WWC1: variants seen among roughly 807,000 people sequenced by gnomAD.
The protein encoded by WWC1 is protein KIBRA.
Under a neutral mutation model 138.4 loss-of-function variants are expected in WWC1, and 55 were observed. That is an observed-to-expected ratio of 0.40 (90% CI 0.32 to 0.50). The LOEUF (loss-of-function observed/expected upper bound fraction) is 0.50. WWC1 is among the 20% of genes least tolerant of loss of function. The probability of loss-of-function intolerance (pLI) is 0.72; values close to 1 mark genes in which losing one functional copy is unlikely to be tolerated. For missense variants in WWC1, 1,226 were observed against 1,420.4 expected (o/e 0.86, Z 2.20); for synonymous variants, 524 against 564.9 (o/e 0.93, Z 1.03).
At chr5:168,346,276 T>C (rs1051263722) in intron 1 of WWC1, among the ~76,000 whole-genome samples, 9 of 152,154 alleles carry the variant, frequency 5.9e-5, no homozygotes, top group Admixed American at 5.2e-4. Flanking sequence ...AGATACAAGA[T>C]ACTTAGGAAA....
At chr5:168,455,596 A>G in intron 19 of WWC1, 76 bp downstream of exon 19, 2 of 1,552,454 alleles carry the variant, frequency 1.3e-6, no homozygotes, top group South Asian at 1.2e-5. Flanking sequence ...TGCAAATCCC[A>G]TTACTCTCAT....
At chr5:168,332,883 A>AT (rs1343179809) in intron 1 of WWC1, among the ~76,000 whole-genome samples, 2 of 151,816 alleles carry the variant, frequency 1.3e-5, no homozygotes, top group African/African-American at 2.4e-5. Flanking sequence ...TAATTTTTGT[A>AT]TTTTTTGTAG....
intron 1 of WWC1, among the ~76,000 whole-genome samples, chr5:168,302,624 A>G (rs1405219440): frequency 6.6e-6 from 1 of 152,148 alleles, no homozygotes; most frequent in East Asian, 1.9e-4. Context: ...GGTGATACAC[A>G]ATAGAGTCTC....
intron 1 of WWC1, among the ~76,000 whole-genome samples, chr5:168,299,305 T>A (rs1403062573): frequency 2.6e-5 from 4 of 152,142 alleles, no homozygotes; most frequent in Admixed American, 6.5e-5. Context: ...CTGATGTGGA[T>A]CTCAGGGAGA....
chr5:168,387,857 G>A (rs555920365), intron 3 of WWC1, among the ~76,000 whole-genome samples: 4 of 152,316 alleles, frequency 2.6e-5, no homozygotes, highest in African/African-American at 9.6e-5. Flanking sequence ...GGTCCTGGAA[G>A]GGAGATGTTA....
chr5:168,354,695 T>C (rs1435991081), intron 1 of WWC1, among the ~76,000 whole-genome samples: 1 of 152,150 alleles, frequency 6.6e-6, no homozygotes, highest in East Asian at 1.9e-4. Context: ...TTCTCCTTTG[T>C]GGACCTGCCT....
rs558435333 is a variant in WWC1 at position 168,306,195 on chromosome 5, G to A, written c.119+13924G>A. On this transcript the variant is annotated intron_variant, in intron 1 of 22. Coordinates refer to ENST00000265293, the MANE Select transcript of WWC1 (RefSeq NM_015238.3). ...GGCAGATATGTGAGGTCAGGAGTTC[G>A]AGACCAGCCTGGCCAACATGGTGAG... Among the ~76,000 whole-genome samples the A allele has an allele frequency of 1.2e-4, 19 of 152,180 alleles. No homozygotes were observed. In the East Asian group the frequency reaches 3.1e-3, roughly 25 times the overall value.
chr5:168,359,033 G>GGGGTGTGTGT (rs1491404850), intron 1 of WWC1, among the ~76,000 whole-genome samples: 3 of 148,204 alleles, frequency 2.0e-5, no homozygotes, highest in African/African-American at 7.6e-5. Flanking sequence ...GTGGTGGTGG[G>GGGGTGTGTGT]GTGTGTGTGT....
chr5:168,446,126 C>T (rs1037352247), intron 17 of WWC1, among the ~76,000 whole-genome samples: 3 of 149,924 alleles, frequency 2.0e-5, no homozygotes, highest in Non-Finnish European at 4.4e-5. Flanking sequence ...GCCAAGTCTG[C>T]TTCAAAAGGT....
At chr5:168,427,525 A>G (rs973919657) in intron 11 of WWC1, among the ~76,000 whole-genome samples, 4 of 141,478 alleles carry the variant, frequency 2.8e-5, no homozygotes, top group Non-Finnish European at 4.6e-5. Context: ...TCCTTCCATC[A>G]CCCTAAAGCA....
At chr5:168,368,686 T>G (rs1368561405) in intron 1 of WWC1, among the ~76,000 whole-genome samples, 2 of 152,174 alleles carry the variant, frequency 1.3e-5, no homozygotes, top group Admixed American at 1.3e-4. Flanking sequence ...CAGAGCCCCT[T>G]TCAAGGCTTT....
intron 20 of WWC1, among the ~76,000 whole-genome samples, chr5:168,461,927 A>G (rs1166577846): frequency 1.3e-5 from 2 of 151,946 alleles, no homozygotes; most frequent in East Asian, 1.9e-4. Flanking sequence ...GTGGTGGTGC[A>G]TGCCTGTAAT....
intron 20 of WWC1, among the ~76,000 whole-genome samples, chr5:168,462,624 G>T (rs142430043): frequency 6.6e-6 from 1 of 152,198 alleles, no homozygotes; most frequent in Admixed American, 6.5e-5. Context: ...TCTAAGGCAG[G>T]CCCTACAGGA....
intron 1 of WWC1, among the ~76,000 whole-genome samples, chr5:168,326,581 C>T (rs1018455965): frequency 6.6e-6 from 1 of 151,140 alleles, no homozygotes; most frequent in South Asian, 2.1e-4. Flanking sequence ...CTCTGTAGCC[C>T]AGGCTGGAGT....
chr5:168,467,720 C>T, intron 21 of WWC1, 120 bp from the exon 22 acceptor site: 1 of 1,406,870 alleles, frequency 7.1e-7, no homozygotes, highest in Non-Finnish European at 9.6e-7. Context: ...GTGGATCCCA[C>T]ATGGAGCAAG....
At chr5:168,419,492 C>T (rs1780917361) in intron 9 of WWC1, among the ~76,000 whole-genome samples, 1 of 152,152 alleles carries the variant, frequency 6.6e-6, no homozygotes, top group African/African-American at 2.4e-5. Flanking sequence ...TACAGTGCAG[C>T]AACTTGCAAA....
intron 1 of WWC1, among the ~76,000 whole-genome samples, chr5:168,299,249 G>A (rs891841207): frequency 5.3e-5 from 8 of 152,344 alleles, no homozygotes; most frequent in Admixed American, 5.2e-4. Flanking sequence ...GTGCCCTGTT[G>A]ACAGCTGGGC....
chr5:168,357,303 T>TACACACACACAC lies in WWC1; in HGVS notation c.120-14102_120-14091dup, dbSNP rs3083619. On this transcript the variant is annotated intron_variant, in intron 1 of 22. Coordinates refer to ENST00000265293, the MANE Select transcript of WWC1 (RefSeq NM_015238.3). ...TGTCTTTTTCTTCCTCTTTCTCTCT[T>TACACACACACAC]ACACACACACACACACACACACACA... Among the ~76,000 whole-genome samples the TACACACACACAC allele has an allele frequency of 6.7e-3, 979 of 145,198 alleles. 11 individuals are homozygous for TACACACACACAC. The highest frequency in any genetic ancestry group is 0.024 in the African/African-American group (944 of 39,780).
Position 168,292,298 on chromosome 5 carries a change from C to T in WWC1, c.119+27C>T. The stretch of plus-strand genomic sequence containing the variant: ...TAGGACCCTGGAACCCTCCTCCGTG[C>T]CCCCACACCCCCGCCTGGGCCCCCA... On this transcript the variant is annotated intron_variant, in intron 1 of 22. Coordinates refer to ENST00000265293, the MANE Select transcript of WWC1 (RefSeq NM_015238.3). The surrounding 1 kb of genome is among the most constrained non-coding windows in gnomAD (Gnocchi z 4.4). 1 of 1,564,010 alleles carries T rather than the reference C, an allele frequency of 6.4e-7. No homozygotes were observed. Among genetic ancestry groups the T allele is most frequent in the Non-Finnish European group, 8.7e-7 (1 of 1,155,314 alleles).
Sources: gnomAD v4.1 joint callset for allele counts (sites outside exome capture counted in the v4.1 genomes callset) on GRCh38, gnomAD v4.1.1 for gene constraint, Gnocchi (gnomAD v3.1) non-coding constraint, MANE v1.5 for transcripts, NCBI Gene and HGNC (gene_info 2026-07-23, HGNC 2026-07-21) for gene names.